Variants in PBX3 observed in about 807,000 individuals in gnomAD.
The protein encoded by PBX3 is PBX homeobox 3, also known as pre-B-cell leukemia transcription factor 3.
A neutral mutation model predicts 48.5 loss-of-function variants in PBX3; 14 were observed. That is an observed-to-expected ratio of 0.29 (90% CI 0.19 to 0.45). The LOEUF is 0.45. PBX3 is among the 20% of genes least tolerant of loss of function. The pLI is 1.00. For missense variants in PBX3, 386 were observed against 546.7 expected, an observed-to-expected ratio of 0.71 and a Z score of 2.93; for synonymous variants, 210 against 200.3, an observed-to-expected ratio of 1.05 and a Z score of -0.41.
intron 2 of PBX3, among the ~76,000 whole-genome samples, chr9:125,754,661 T>G (rs1836464177): frequency 6.6e-6 from 1 of 152,096 alleles, no homozygotes; most frequent in Non-Finnish European, 1.5e-5. Context: ...GTAGGCAGAA[T>G]TGCAACAAGA....
Position 125,748,799 on chromosome 9 carries a change from A to C in PBX3, c.274+176A>C, listed in dbSNP as rs1836283366. Reference sequence around the variant, plus strand: ...GCAATAAATCTGGAGTCAATTTCTCAGTTCTGCTCCTGGTGTAAAATGAAG... The same window carrying C: ...GCAATAAATCTGGAGTCAATTTCTCCGTTCTGCTCCTGGTGTAAAATGAAG... On this transcript the variant is annotated intron_variant, in intron 2 of 8. Transcript: ENST00000373489. 4 of 516,274 alleles carry C rather than the reference A, an allele frequency of 7.7e-6. No homozygotes were observed. The Admixed American group carries it at 9.4e-5, about 12-fold the overall frequency. 32.0% of individuals were successfully genotyped at this position (516,274 alleles called of 1,614,324 possible).
intron 2 of PBX3, among the ~76,000 whole-genome samples, chr9:125,911,464 C>T (rs1322040757): frequency 6.6e-6 from 1 of 152,002 alleles, no homozygotes; most frequent in Non-Finnish European, 1.5e-5. Flanking sequence ...CTGCATGTTA[C>T]TTTAAAATAA....
chr9:125,921,286 T>G (rs10987034), intron 3 of PBX3, among the ~76,000 whole-genome samples: 3,310 of 152,322 alleles, frequency 0.022, 181 homozygotes, highest in East Asian at 0.17. Flanking sequence ...ACAAGCTCGA[T>G]TAATAAAATT....
intron 6 of PBX3, 65 bp downstream of exon 6, chr9:125,960,914 C>T (rs1201515773): frequency 6.6e-7 from 1 of 1,519,054 alleles, no homozygotes; most frequent in Non-Finnish European, 9.0e-7. Flanking sequence ...CCCTGTCCCA[C>T]AGGCCAGGAA....
intron 2 of PBX3, among the ~76,000 whole-genome samples, chr9:125,910,399 A>G (rs915198289): frequency 6.6e-6 from 1 of 152,114 alleles, no homozygotes; most frequent in African/African-American, 2.4e-5. Flanking sequence ...ATATGGTAAG[A>G]GACAAGTAGC....
At chr9:125,804,308 G>A (rs1838055205) in intron 2 of PBX3, among the ~76,000 whole-genome samples, 1 of 152,200 alleles carries the variant, frequency 6.6e-6, no homozygotes, top group African/African-American at 2.4e-5. Context: ...AATCTTAAGT[G>A]TCACAATCCA....
chr9:125,753,845 A>G (rs761920630), intron 2 of PBX3, among the ~76,000 whole-genome samples: 1 of 152,092 alleles, frequency 6.6e-6, no homozygotes, highest in Non-Finnish European at 1.5e-5. Flanking sequence ...TTTTCCTTTT[A>G]ATTAATTTTG....
At chr9:125,787,336 A>G (rs1837484380) in intron 2 of PBX3, among the ~76,000 whole-genome samples, 1 of 152,058 alleles carries the variant, frequency 6.6e-6, no homozygotes. Context: ...TTTGATGAGC[A>G]GGAAAGATAA....
At chr9:125,880,442 G>A (rs1249705916) in intron 2 of PBX3, among the ~76,000 whole-genome samples, 1 of 152,184 alleles carries the variant, frequency 6.6e-6, no homozygotes, top group Non-Finnish European at 1.5e-5. Context: ...GCAAAGGGAG[G>A]CTTGATCAGC....
chr9:125,906,739 G>A (rs1308431363), intron 2 of PBX3, among the ~76,000 whole-genome samples: 4 of 151,946 alleles, frequency 2.6e-5, no homozygotes, highest in South Asian at 2.1e-4. Flanking sequence ...TGTATTATGT[G>A]TGTATGGTAC....
At chr9:125,767,161 C>T (rs1836821378) in intron 2 of PBX3, among the ~76,000 whole-genome samples, 2 of 152,148 alleles carry the variant, frequency 1.3e-5, no homozygotes, top group South Asian at 4.1e-4. Flanking sequence ...AACAAAACCC[C>T]AATTATTTAT....
intron 5 of PBX3, among the ~76,000 whole-genome samples, chr9:125,943,352 C>CAAAAAAAAAAAAAAAAAAAAAAAAAAA (rs60326557): frequency 1.6e-5 from 1 of 60,870 alleles, no homozygotes; most frequent in Admixed American, 2.2e-4. Flanking sequence ...GAGACTGTCT[C>CAAAAAAAAAAAAAAAAAAAAAAAAAAA]AAAAAAAAAA....
intron 2 of PBX3, among the ~76,000 whole-genome samples, chr9:125,861,631 A>G (rs933815124): frequency 6.6e-6 from 1 of 152,266 alleles, no homozygotes; most frequent in African/African-American, 2.4e-5. Flanking sequence ...AATATTATTC[A>G]GCCATAGCAA....
intron 5 of PBX3, among the ~76,000 whole-genome samples, chr9:125,946,116 G>A (rs1325468278): frequency 6.6e-6 from 1 of 152,148 alleles, no homozygotes; most frequent in Non-Finnish European, 1.5e-5. Context: ...ACTGCTTAGG[G>A]CTACATCTTA....
chr9:125,946,389 A>T (rs950330506), intron 5 of PBX3, among the ~76,000 whole-genome samples: 5 of 152,200 alleles, frequency 3.3e-5, no homozygotes, highest in Non-Finnish European at 7.3e-5. Flanking sequence ...TCTGGTACAG[A>T]AACCAGCAGA....
intron 2 of PBX3, among the ~76,000 whole-genome samples, chr9:125,823,802 G>A (rs1265705330): frequency 5.9e-5 from 9 of 152,250 alleles, no homozygotes; most frequent in South Asian, 2.1e-4. Context: ...TAGGCTGGGC[G>A]CGGTGGCTCA....
intron 2 of PBX3, among the ~76,000 whole-genome samples, chr9:125,825,303 T>C (rs1838776696): frequency 6.6e-6 from 1 of 152,078 alleles, no homozygotes; most frequent in African/African-American, 2.4e-5. Context: ...AAAACAATTA[T>C]TGAGAACCTA....
intron 2 of PBX3, among the ~76,000 whole-genome samples, chr9:125,794,490 G>A (rs969824700): frequency 2.2e-4 from 33 of 152,072 alleles, no homozygotes; most frequent in African/African-American, 8.0e-4. Flanking sequence ...TTTAGTTACT[G>A]CTCAGTTTCT....
intron 2 of PBX3, among the ~76,000 whole-genome samples, chr9:125,795,348 A>T (rs1387085047): frequency 6.6e-6 from 1 of 152,132 alleles, no homozygotes; most frequent in Non-Finnish European, 1.5e-5. Context: ...ATATCTTTTT[A>T]CCTTTCCAGG....
Sources: allele counts gnomAD v4.1 joint callset (sites outside exome capture counted in the v4.1 genomes callset), GRCh38; gene constraint gnomAD v4.1.1; transcripts MANE v1.5; gene names NCBI Gene and HGNC (gene_info 2026-07-23, HGNC 2026-07-21).